The following PPP1R12C variants were observed in gnomAD, a reference collection of about 807,000 sequenced individuals.
PPP1R12C encodes protein phosphatase 1 regulatory subunit 12C.
Under a neutral mutation model 95.6 loss-of-function variants are expected in PPP1R12C, and 48 were observed. The observed-to-expected ratio is 0.50, with a 90% CI of 0.40 to 0.64. The LOEUF (loss-of-function observed/expected upper bound fraction) is 0.64, where lower values mean the gene tolerates loss of function less well. Among genes scored for constraint, PPP1R12C ranks in the 30% least tolerant of loss-of-function variants. PPP1R12C has a pLI of 0.00. For missense variants in PPP1R12C, 1,057 were observed against 1,083.3 expected (o/e 0.98, Z 0.34); for synonymous variants, 480 against 460.8 (o/e 1.04, Z -0.53).
At position 55,099,069 on chromosome 19, in the gene PPP1R12C, G is replaced by C; in HGVS notation, c.758C>G (p.Pro253Arg). Residue 253 changes from proline to arginine, a missense_variant, in exon 5 of 22, where the codon CCA becomes CGA. Around this residue, in one of 5 missense-constraint regions of PPP1R12C, gnomAD observed 282 missense variants for 380.4 expected, o/e 0.74. Coordinates refer to ENST00000263433, the MANE Select transcript of PPP1R12C (RefSeq NM_017607.4). ...MRLLLQAGYD[P>R]ELRDGDGWTP... ...CCAGCCGTCCCCGTCCCGGAGCTCT[G>C]GGTCGTAGCCAGCCTGAAGGAGCAA... 6.4e-7 allele frequency: 1 copy of C among 1,551,518 alleles called. No homozygotes were observed. The highest frequency in any genetic ancestry group is 1.4e-5 in the African/African-American group (1 of 73,616).
At chr19:55,098,670 G>C in intron 6 of PPP1R12C, 114 bp downstream of exon 6, 3 of 1,309,850 alleles carry the variant, frequency 2.3e-6, no homozygotes, top group Non-Finnish European at 3.2e-6. Flanking sequence ...GGAAATAGCA[G>C]GTCGCTGGGG....
intron 4 of PPP1R12C, among the ~76,000 whole-genome samples, chr19:55,099,584 A>G (rs2084959599): frequency 6.6e-6 from 1 of 152,060 alleles, no homozygotes; most frequent in Non-Finnish European, 1.5e-5. Context: ...AGGTCTGCAG[A>G]CATCTTTGTT....
At chr19:55,113,767 C>T (rs1020094402) in intron 1 of PPP1R12C, 17 of 349,024 alleles carry the variant, frequency 4.9e-5, no homozygotes, top group African/African-American at 3.6e-4. Flanking sequence ...CGCACGTGCC[C>T]TGGGAACGGG....
chr19:55,092,581 C>A, intron 17 of PPP1R12C, 37 bp from the exon 18 acceptor site: 1 of 1,560,300 alleles, frequency 6.4e-7, no homozygotes, highest in East Asian at 2.4e-5. Context: ...GGGGCCGGCC[C>A]GGCCCGCACG....
Position 55,094,786 on chromosome 19 carries a change from G to C in PPP1R12C, c.1467C>G (p.Thr489=). The C allele has an allele frequency of 6.3e-7, 1 of 1,596,784 alleles. No individual in the cohort carries two copies. The highest frequency in any genetic ancestry group is 8.5e-7 in the Non-Finnish European group (1 of 1,173,862). The change falls in exon 12 of 22, where the codon ACC becomes ACG. Residue 489 remains threonine (T), a synonymous_variant. Coordinates refer to ENST00000263433, the MANE Select transcript of PPP1R12C (RefSeq NM_017607.4). The part of the protein sequence containing the change: ...LPEPSVLSEV[T]KPPPCLENSS... ...AGTTCTCCAAGCAAGGAGGAGGCTT[G>C]GTGACCTCAGACCTGCATCAATTCA...
At chr19:55,106,753 T>C (rs902155321) in intron 3 of PPP1R12C, among the ~76,000 whole-genome samples, 3 of 152,162 alleles carry the variant, frequency 2.0e-5, no homozygotes, top group African/African-American at 7.2e-5. Flanking sequence ...ATCTTGACTT[T>C]CCTCACCCAC....
chr19:55,110,114 C>T (rs1243784274), intron 3 of PPP1R12C, among the ~76,000 whole-genome samples: 1 of 152,134 alleles, frequency 6.6e-6, no homozygotes, highest in Non-Finnish European at 1.5e-5. Flanking sequence ...GTTCACAGAC[C>T]CCCTGGAGGC....
At chr19:55,098,746 G>A (rs759129684) in intron 6 of PPP1R12C, 38 bp downstream of exon 6, 12 of 1,610,944 alleles carry the variant, frequency 7.4e-6, no homozygotes, top group Middle Eastern at 3.3e-4. Context: ...GAGGGGACAT[G>A]GGGAGTCTGG....
intron 1 of PPP1R12C, chr19:55,113,024 C>T (rs2085115074): frequency 3.3e-6 from 2 of 599,828 alleles, no homozygotes. Context: ...GGACTCCTGG[C>T]TATCTGCAAA....
At position 55,091,184 on chromosome 19, in the gene PPP1R12C, A is replaced by C; in HGVS notation, c.*288T>G. The C allele has an allele frequency of 2.1e-6, 1 of 473,536 alleles. No individual in the cohort carries two copies. The highest frequency in any genetic ancestry group is 3.9e-6 in the Non-Finnish European group (1 of 259,676). The allele number at this position is 473,536 out of a possible 1,614,324, so 29.3% of individuals were successfully genotyped here. ...CCAGGCGGCCACTCTGGTCCTGGCT[A>C]CTGATCCTTGCACTTCTTGGTCCTC... is the stretch of plus-strand genomic sequence containing the variant. On this transcript the variant is annotated 3_prime_UTR_variant, in exon 22 of 22. Coordinates refer to ENST00000263433, the MANE Select transcript of PPP1R12C (RefSeq NM_017607.4).
rs765406163 is a variant in PPP1R12C, at chr19:55,091,525, G to A, written c.2296C>T (p.Leu766Phe). ...LSDLRADNQRLKDENAALIRV... is the reference protein window; with the variant it reads ...LSDLRADNQRFKDENAALIRV... The stretch of plus-strand genomic sequence containing the variant: ...ATCAACGCTGCATTCTCATCCTTGA[G>A]GCGCTGGTTGTCAGCGCGGAGGTCA... Residue 766 changes from leucine to phenylalanine, a missense_variant, in exon 22 of 22, where the codon CTC (leucine) becomes TTC (phenylalanine). This residue lies in a region of PPP1R12C where 347 missense variants were observed against 307.9 expected (regional missense o/e 1.13). Coordinates refer to ENST00000263433, the MANE Select transcript of PPP1R12C (RefSeq NM_017607.4). 13 of 1,613,988 alleles carry A rather than the reference G, an allele frequency of 8.1e-6. No individual in the cohort carries two copies. The highest frequency in any genetic ancestry group is 1.0e-5 in the Non-Finnish European group (12 of 1,179,988).
At position 55,091,274 on chromosome 19, in the gene PPP1R12C, C is replaced by T; in HGVS notation, c.*198G>A. ...GGCAACGTCCCCCTGCTTGGCTCGG[C>T]CTCCCACCTCCATCCTGGCCTCGGG... On this transcript the variant is annotated 3_prime_UTR_variant, in exon 22 of 22. Coordinates refer to ENST00000263433, the MANE Select transcript of PPP1R12C (RefSeq NM_017607.4). The T allele has an allele frequency of 1.6e-6, 1 of 612,284 alleles. No homozygotes were observed. 37.9% of individuals were successfully genotyped at this position (612,284 alleles called of 1,614,324 possible).
In PPP1R12C at chr19:55,095,298, A is replaced by C. The variant is rs1049401768; in HGVS notation, c.1447T>G (p.Ser483Ala). The change falls in exon 11 of 22, where the codon TCT becomes GCT. Residue 483 changes from serine to alanine, a missense_variant. Ser to Ala is a moderately conservative substitution (Grantham distance 99). This residue lies in a region of PPP1R12C where 356 missense variants were observed against 330.5 expected (regional missense o/e 1.08). Transcript: ENST00000263433. Reference protein sequence around the residue: ...PTPSPKLPEPSVLSEVTKPPP... With the variant: ...PTPSPKLPEPAVLSEVTKPPP... ...CAGGCCCTGGGGACTCACAGGACAG[A>C]GGGCTCCGGCAGCTTCGGGGAGGGG... is the stretch of plus-strand genomic sequence containing the variant. The C allele has an allele frequency of 1.3e-6, 2 of 1,576,720 alleles. No individual in the cohort carries two copies. The highest frequency in any genetic ancestry group is 2.7e-5 in the African/African-American group (2 of 74,086).
intron 3 of PPP1R12C, among the ~76,000 whole-genome samples, chr19:55,106,207 A>G (rs1372520756): frequency 7.2e-6 from 1 of 138,770 alleles, no homozygotes; most frequent in African/African-American, 3.5e-5. Flanking sequence ...AAGTTTGCTG[A>G]CCCCTGCTTA....
chr19:55,111,958 C>G (rs1477265123), intron 3 of PPP1R12C: 1 of 152,990 alleles, frequency 6.5e-6, no homozygotes, highest in African/African-American at 2.4e-5. Context: ...AAGCAACACC[C>G]CTTCCCTAGA....
In PPP1R12C at chr19:55,099,103, C is replaced by T; in HGVS notation, c.732-8G>A. On this transcript the variant is annotated splice_region_variant and splice_polypyrimidine_tract_variant and intron_variant, in intron 4 of 21. Coordinates refer to ENST00000263433, the MANE Select transcript of PPP1R12C (RefSeq NM_017607.4). Reference sequence around the variant, plus strand: ...CCAGCCTGAAGGAGCAACCTGGGGGCCAGGGAGGCTCAGGGTCAGAGGCCA... The same window carrying T: ...CCAGCCTGAAGGAGCAACCTGGGGGTCAGGGAGGCTCAGGGTCAGAGGCCA... 1.3e-6 allele frequency: 2 copies of T among 1,525,614 alleles called. No individual in the cohort carries two copies. The highest frequency in any genetic ancestry group is 1.8e-6 in the Non-Finnish European group (2 of 1,134,460). 94.5% of individuals were successfully genotyped at this position (1,525,614 alleles called of 1,614,324 possible).
rs1568803896 is a variant in PPP1R12C, at chr19:55,092,419, CCGA to C, written c.2055+20_2055+22del. Reference sequence around the variant, plus strand: ...AGCTGGGCACCCAGCAGGCAAAGCCCCGACGGAGGGGTGGGATCGCACCGTCCT... The same window carrying C: ...AGCTGGGCACCCAGCAGGCAAAGCCCCGGAGGGGTGGGATCGCACCGTCCT... On this transcript the variant is annotated intron_variant, in intron 18 of 21. Coordinates refer to ENST00000263433, the MANE Select transcript of PPP1R12C (RefSeq NM_017607.4). 2 of 1,588,724 alleles carry C rather than the reference CCGA, an allele frequency of 1.3e-6. No individual in the cohort carries two copies. Among genetic ancestry groups the C allele is most frequent in the Admixed American group, 3.6e-5 (2 of 56,090 alleles).
At chr19:55,116,703 G>C (rs1196503338) in intron 1 of PPP1R12C, among the ~76,000 whole-genome samples, 1 of 152,226 alleles carries the variant, frequency 6.6e-6, no homozygotes, top group East Asian at 1.9e-4. Context: ...AGGGCACTCG[G>C]GGGCGAGAGG....
chr19:55,096,423 C>A lies in PPP1R12C; in HGVS notation c.952-88G>T. 4.7e-6 allele frequency: 7 copies of A among 1,480,144 alleles called. No homozygotes were observed. The South Asian group carries it at 6.8e-5, about 14-fold the overall frequency. 91.7% of individuals were successfully genotyped at this position (1,480,144 alleles called of 1,614,324 possible). A position where few individuals can be genotyped will look rare whatever the true frequency, so the allele number is the denominator to read the frequency against. On this transcript the variant is annotated intron_variant, in intron 6 of 21. Transcript: ENST00000263433. ...CCACAAACAGCTGTGCAGGAGCTCA[C>A]TGCCCAGGCGGGCACCGAGGGCTCG... is the stretch of plus-strand genomic sequence containing the variant.
Sources: allele counts gnomAD v4.1 joint callset (sites outside exome capture counted in the v4.1 genomes callset), GRCh38; gene constraint gnomAD v4.1.1; regional missense constraint gnomAD v4.1.1; transcripts MANE v1.5; gene names NCBI Gene and HGNC (gene_info 2026-07-23, HGNC 2026-07-21).